Variants in PCDHA8 observed in about 807,000 individuals in gnomAD.
The protein encoded by PCDHA8 is protocadherin alpha 8, also known as protocadherin alpha-8.
A neutral mutation model predicts 61.8 loss-of-function variants in PCDHA8; 53 were observed. The observed-to-expected ratio is 0.86, with a 90% CI of 0.69 to 1.08. PCDHA8 has a LOEUF of 1.08. Ranked by LOEUF, PCDHA8 falls within the 50% of genes least tolerant of loss-of-function variation. PCDHA8 has a pLI of 0.00. For missense variants in PCDHA8, 1,293 were observed against 1,245.0 expected (o/e 1.04, Z -0.58); for synonymous variants, 618 against 556.6 (o/e 1.11, Z -1.55).
chr5:140,876,922 G>C (rs1554169106), intron 1 of PCDHA8: 6 of 1,613,906 alleles, frequency 3.7e-6, no homozygotes, highest in African/African-American at 2.7e-5. Context: ...GGACGCGGAC[G>C]CGCAGAAGAA....
At chr5:140,898,748 G>C (rs1397892217) in intron 1 of PCDHA8, among the ~76,000 whole-genome samples, 44 of 152,222 alleles carry the variant, frequency 2.9e-4, no homozygotes, top group Non-Finnish European at 5.0e-4. Context: ...TAGCTTGATG[G>C]GGATGGCATT....
chr5:140,868,942 C>G (rs1238492263), intron 1 of PCDHA8: 1 of 1,256,058 alleles, frequency 8.0e-7, no homozygotes, highest in Admixed American at 2.8e-5. Context: ...TTGGTCTGAA[C>G]AGTGAGGCAC....
intron 1 of PCDHA8, among the ~76,000 whole-genome samples, chr5:140,887,392 G>A (rs1484199271): frequency 1.3e-5 from 2 of 152,024 alleles, no homozygotes; most frequent in African/African-American, 2.4e-5. Context: ...CACCGCGCCC[G>A]GCTCTTTATC....
chr5:140,996,478 A>C (rs1241472780), intron 3 of PCDHA8, among the ~76,000 whole-genome samples: 1 of 152,214 alleles, frequency 6.6e-6, no homozygotes, highest in East Asian at 1.9e-4. Flanking sequence ...AGTAGTGCTC[A>C]GGCCTGGGCA....
At chr5:140,865,776 T>C (rs1179893870) in intron 1 of PCDHA8, 1 of 152,204 alleles carries the variant, frequency 6.6e-6, no homozygotes, top group African/African-American at 2.4e-5. Flanking sequence ...ATTATTCAAA[T>C]GTGTATCTTT....
At chr5:140,966,731 G>C (rs2096045524) in intron 1 of PCDHA8, 3 of 1,405,020 alleles carry the variant, frequency 2.1e-6, no homozygotes, top group Non-Finnish European at 2.8e-6. Flanking sequence ...TGCCGCCTCC[G>C]GCCCTGCCCG....
chr5:140,977,923 C>T (rs573696974), intron 1 of PCDHA8, among the ~76,000 whole-genome samples: 2 of 151,828 alleles, frequency 1.3e-5, no homozygotes, highest in Admixed American at 1.3e-4. Flanking sequence ...TTTTTTCATT[C>T]AACTATACCT....
At chr5:140,850,291 C>T (rs782425750) in intron 1 of PCDHA8, 1 of 1,596,090 alleles carries the variant, frequency 6.3e-7, no homozygotes, top group African/African-American at 1.3e-5. Flanking sequence ...GCAGTGGACG[C>T]CGACTCGGGC....
intron 1 of PCDHA8, among the ~76,000 whole-genome samples, chr5:140,896,683 C>T (rs2153454060): frequency 6.6e-6 from 1 of 152,068 alleles, no homozygotes; most frequent in South Asian, 2.1e-4. Context: ...GGCCCTTTGC[C>T]CATTTTTTGA....
intron 3 of PCDHA8, among the ~76,000 whole-genome samples, chr5:140,993,754 A>T (rs1253767297): frequency 6.6e-6 from 1 of 152,170 alleles, no homozygotes; most frequent in African/African-American, 2.4e-5. Context: ...ACTTGCCATT[A>T]TATTACAATT....
At chr5:140,853,944 G>C (rs2042918286) in intron 1 of PCDHA8, 1 of 814,184 alleles carries the variant, frequency 1.2e-6, no homozygotes, top group Non-Finnish European at 1.5e-6. Context: ...CAAGGTGGGA[G>C]GGTCCCTTCC....
In PCDHA8 at chr5:140,843,311, A is replaced by T; in HGVS notation, c.1990A>T (p.Thr664Ser). The change falls in exon 1 of 4, where the codon ACG (threonine) becomes TCG (serine). Residue 664 changes from threonine to serine, a missense_variant. Coordinates refer to ENST00000531613, the MANE Select transcript of PCDHA8 (RefSeq NM_018911.3). ...TGAACCTGCGCTGACCGCCACGGCC[A>T]CGGTTCTGGTGTCGCTGGTGGAGAG... ...HGEPALTATATVLVSLVESGQ... is the reference protein window; with the variant it reads ...HGEPALTATASVLVSLVESGQ... 6.3e-7 allele frequency: 1 copy of T among 1,595,942 alleles called. No individual in the cohort carries two copies. Among genetic ancestry groups the T allele is most frequent in the Non-Finnish European group, 8.6e-7 (1 of 1,165,534 alleles).
At chr5:140,891,681 C>T (rs1021117286) in intron 1 of PCDHA8, among the ~76,000 whole-genome samples, 1 of 152,150 alleles carries the variant, frequency 6.6e-6, no homozygotes, top group African/African-American at 2.4e-5. Flanking sequence ...TAATAATTCT[C>T]TCTTCTTGCT....
chr5:140,861,274 GCT>G lies in PCDHA8; in HGVS notation c.2394+17560_2394+17561del, dbSNP rs538032435. The G allele has an allele frequency of 1.4e-4, 25 of 180,670 alleles. 1 individual carries two copies. In the South Asian group the frequency reaches 2.9e-3, roughly 21 times the overall value. 11.2% of individuals were successfully genotyped at this position (180,670 alleles called of 1,614,324 possible). On this transcript the variant is annotated intron_variant, in intron 1 of 3. Transcript: ENST00000531613. The stretch of plus-strand genomic sequence containing the variant: ...AGGAATCCCGGAGCCTACAGCACTG[GCT>G]TCTGCTCCTTGAATTTTGTGAAGCG...
Position 140,850,160 on chromosome 5 carries a change from G to A in PCDHA8, c.2394+6445G>A, listed in dbSNP as rs2150470275. On this transcript the variant is annotated intron_variant, in intron 1 of 3. Coordinates refer to ENST00000531613, the MANE Select transcript of PCDHA8 (RefSeq NM_018911.3). ...GCAACGTGACGCTGCAGGTGTTCGT[G>A]CTGGACGAGAACGACAATGCGCCGG... 5 of 1,595,068 alleles carry A rather than the reference G, an allele frequency of 3.1e-6. No homozygotes were observed. The Admixed American group carries it at 6.7e-5, about 22-fold the overall frequency.
intron 1 of PCDHA8, chr5:140,881,212 G>A: frequency 9.7e-6 from 2 of 206,268 alleles, no homozygotes; most frequent in Non-Finnish European, 1.7e-5. Flanking sequence ...TCTAGCTGTT[G>A]TTTCTTGGAA....
At chr5:140,870,435 G>A in intron 1 of PCDHA8, 1 of 1,614,252 alleles carries the variant, frequency 6.2e-7, no homozygotes, top group South Asian at 1.1e-5. Context: ...CCGTGGAGGT[G>A]GCCGACGTGA....
chr5:140,906,985 G>A (rs1418384427), intron 1 of PCDHA8, among the ~76,000 whole-genome samples: 1 of 152,170 alleles, frequency 6.6e-6, no homozygotes, highest in East Asian at 1.9e-4. Context: ...TCTGGTGGCA[G>A]CATTCCTCCC....
intron 1 of PCDHA8, chr5:140,969,110 C>G (rs1380719565): frequency 2.5e-6 from 4 of 1,614,064 alleles, no homozygotes; most frequent in South Asian, 2.2e-5. Context: ...CATTGAAGTT[C>G]GAGGGAATGG....
Sources: gnomAD v4.1 joint callset for allele counts (sites outside exome capture counted in the v4.1 genomes callset) on GRCh38, gnomAD v4.1.1 for gene constraint, MANE v1.5 for transcripts, NCBI Gene and HGNC (gene_info 2026-07-23, HGNC 2026-07-21) for gene names.